ACTR3C: variants seen among roughly 807,000 people sequenced by gnomAD.
ACTR3C encodes the protein actin related protein 3C, also known as actin-related protein 3C.
In ACTR3C, 18 loss-of-function variants were observed where a neutral mutation model predicts 26.3. That is an observed-to-expected ratio of 0.68 (90% CI 0.47 to 1.01). The LOEUF (loss-of-function observed/expected upper bound fraction) is 1.01. Among genes scored for constraint, ACTR3C ranks in the 50% least tolerant of loss-of-function variants. The probability of loss-of-function intolerance (pLI) is 0.00; values close to 1 mark genes in which losing one functional copy is unlikely to be tolerated. For synonymous variants in ACTR3C, 55 were observed against 94.5 expected (o/e 0.58, Z 2.42); for missense variants, 184 against 250.7 (o/e 0.73, Z 1.80).
chr7:150,208,939 C>T, the ACTR3C span, among the ~76,000 whole-genome samples: 47 of 152,160 alleles, frequency 3.1e-4, no homozygotes, highest in South Asian at 1.9e-3. Flanking sequence ...ACATGGACAA[C>T]ATTAACAAGA....
chr7:150,318,490 G>A (rs1000843393), intron 1 of ACTR3C, among the ~76,000 whole-genome samples: 1 of 152,208 alleles, frequency 6.6e-6, no homozygotes, highest in Non-Finnish European at 1.5e-5. Context: ...GTTGCCAGTT[G>A]CGGTGGCTCA....
chr7:150,154,188 C>T, the ACTR3C span, among the ~76,000 whole-genome samples: 542 of 151,610 alleles, frequency 3.6e-3, 4 homozygotes, highest in African/African-American at 0.013. Flanking sequence ...CTAACCTGCA[C>T]ATTGTGCACA....
At chr7:150,222,528 G>C in the ACTR3C span, among the ~76,000 whole-genome samples, 1 of 152,090 alleles carries the variant, frequency 6.6e-6, no homozygotes, top group African/African-American at 2.4e-5. Flanking sequence ...CCAATTTTCT[G>C]GCTAACAACT....
At chr7:150,119,915 T>C in the ACTR3C span, among the ~76,000 whole-genome samples, 1 of 152,284 alleles carries the variant, frequency 6.6e-6, no homozygotes, top group Admixed American at 6.5e-5. Flanking sequence ...AAATTAGAAC[T>C]CAGGATTAAG....
chr7:149,888,747 C>T, the ACTR3C span, among the ~76,000 whole-genome samples: 5 of 152,302 alleles, frequency 3.3e-5, no homozygotes, highest in Middle Eastern at 3.4e-3. Flanking sequence ...GTGGCTCACA[C>T]CTGTAATCCC....
the ACTR3C span, among the ~76,000 whole-genome samples, chr7:149,949,428 A>T: frequency 1.4e-5 from 2 of 139,016 alleles, no homozygotes; most frequent in South Asian, 4.5e-4. Context: ...GGAAGGAAGG[A>T]AATGAATAAA....
the ACTR3C span, among the ~76,000 whole-genome samples, chr7:150,036,163 C>T: frequency 1.5e-5 from 2 of 136,082 alleles, 1 homozygote; most frequent in South Asian, 4.8e-4. Flanking sequence ...GGGGTGCCTC[C>T]CCCCCCGCGA....
At chr7:149,998,673 T>C in the ACTR3C span, among the ~76,000 whole-genome samples, 230 of 149,148 alleles carry the variant, frequency 1.5e-3, 6 homozygotes, top group African/African-American at 4.4e-3. Context: ...CAGGGTCCCT[T>C]CTCCAACATA....
At chr7:150,078,713 A>C in the ACTR3C span, among the ~76,000 whole-genome samples, 1 of 152,170 alleles carries the variant, frequency 6.6e-6, no homozygotes, top group African/African-American at 2.4e-5. Flanking sequence ...CTGGTAGGAC[A>C]TTATTTCTGG....
At chr7:150,280,829 T>TAA (rs560781725) in intron 6 of ACTR3C, among the ~76,000 whole-genome samples, 1 of 150,362 alleles carries the variant, frequency 6.7e-6, no homozygotes, top group Non-Finnish European at 1.5e-5. Flanking sequence ...TATATATATA[T>TAA]ACACACACAC....
chr7:149,892,483 C>T, the ACTR3C span: 1 of 1,305,956 alleles, frequency 7.7e-7, no homozygotes, highest in Non-Finnish European at 1.0e-6. Flanking sequence ...CTAATATACA[C>T]ACAAGTAAAT....
the ACTR3C span, among the ~76,000 whole-genome samples, chr7:150,034,777 G>T: frequency 0.34 from 50,998 of 147,834 alleles, 7,416 homozygotes; most frequent in East Asian, 0.55. Context: ...CCTAAGCCAG[G>T]GGGGGAAGAG....
At chr7:150,281,052 C>T (rs920325802) in intron 6 of ACTR3C, among the ~76,000 whole-genome samples, 26 of 152,168 alleles carry the variant, frequency 1.7e-4, no homozygotes, top group Admixed American at 1.7e-3. Context: ...GTGGCTAGCA[C>T]AGCTGACCAA....
At chr7:150,196,435 C>G in the ACTR3C span, among the ~76,000 whole-genome samples, 1 of 152,134 alleles carries the variant, frequency 6.6e-6, no homozygotes, top group African/African-American at 2.4e-5. Context: ...TTATTTTTAG[C>G]ATTTCCATTG....
intron 3 of ACTR3C, among the ~76,000 whole-genome samples, chr7:150,292,619 G>T (rs942135017): frequency 2.0e-5 from 3 of 151,108 alleles, no homozygotes; most frequent in Admixed American, 6.6e-5. Context: ...TCCTGCCTCA[G>T]CCTCCCAGGT....
At chr7:150,214,536 T>C in the ACTR3C span, among the ~76,000 whole-genome samples, 1 of 151,384 alleles carries the variant, frequency 6.6e-6, no homozygotes, top group African/African-American at 2.4e-5. Flanking sequence ...GAGAAAAGTA[T>C]CTTGGAAAAA....
the ACTR3C span, among the ~76,000 whole-genome samples, chr7:150,223,193 C>T: frequency 2.0e-5 from 3 of 152,172 alleles, no homozygotes; most frequent in Admixed American, 1.3e-4. Flanking sequence ...GCATTATGAA[C>T]TCCCTCACTG....
the ACTR3C span, among the ~76,000 whole-genome samples, chr7:150,057,276 CTTTTTTTT>C: frequency 1.8e-5 from 2 of 113,972 alleles, no homozygotes; most frequent in African/African-American, 7.1e-5. Flanking sequence ...GGAATAGGTC[CTTTTTTTT>C]TTTTTTTTTT....
the ACTR3C span, among the ~76,000 whole-genome samples, chr7:150,036,768 C>G: frequency 7.2e-6 from 1 of 138,040 alleles, no homozygotes; most frequent in Non-Finnish European, 1.7e-5. Context: ...TATCTGCCGT[C>G]GGAAGATTTG....
Sources: gnomAD v4.1 joint callset for allele counts (sites outside exome capture counted in the v4.1 genomes callset) on GRCh38, gnomAD v4.1.1 for gene constraint, MANE v1.5 for transcripts, NCBI Gene and HGNC (gene_info 2026-07-23, HGNC 2026-07-21) for gene names.